The following TMEM106C variants were observed in gnomAD, a reference collection of about 807,000 sequenced individuals.
The protein encoded by TMEM106C is transmembrane protein 106C, also known as endoplasmic reticulum membrane protein overexpressed in cancer.
TMEM106C carries 27 observed loss-of-function variants against 30.8 expected under a neutral mutation model. The observed-to-expected ratio is 0.88, with a 90% CI of 0.65 to 1.21. The LOEUF (loss-of-function observed/expected upper bound fraction) is 1.21, where lower values mean the gene tolerates loss of function less well. Among genes scored for constraint, TMEM106C ranks in the 50% most tolerant of loss-of-function variants. The pLI is 0.00. For missense variants in TMEM106C, 288 were observed against 307.8 expected, an observed-to-expected ratio of 0.94 and a Z score of 0.48; for synonymous variants, 123 against 118.8, an observed-to-expected ratio of 1.04 and a Z score of -0.23.
chr12:47,966,223 G>T lies in TMEM106C; in HGVS notation c.546G>T (p.Glu182Asp), dbSNP rs1938219943. The change falls in exon 5 of 8, where the codon GAG becomes GAT. Residue 182 changes from glutamate to aspartate, a missense_variant. Physicochemically the swap from Glu to Asp is conservative, Grantham distance 45. Transcript: ENST00000429772. ...TCTCCCTTATTCCACCTCGGAGTGA[G>T]CAACTGGTATGCTGTTCTTTTAGGA... ...TNVSLIPPRS[E>D]QLVNFTGKAE... 1 of 1,613,868 alleles carries T rather than the reference G, an allele frequency of 6.2e-7. No homozygotes were observed. Among genetic ancestry groups the T allele is most frequent in the Non-Finnish European group, 8.5e-7 (1 of 1,180,018 alleles).
intron 7 of TMEM106C, 39 bp downstream of exon 7, chr12:47,967,300 AT>A (rs1938270221): frequency 8.1e-6 from 13 of 1,611,216 alleles, no homozygotes; most frequent in Non-Finnish European, 1.1e-5. Flanking sequence ...CTGTCCGGCC[AT>A]GTGAGCCTAC....
Position 47,967,214 on chromosome 12 carries a change from C to T in TMEM106C, c.609C>T (p.Phe203=). 6.2e-7 allele frequency: 1 copy of T among 1,614,010 alleles called. No individual in the cohort carries two copies. Among genetic ancestry groups the T allele is most frequent in the African/African-American group, 1.3e-5 (1 of 75,016 alleles). The part of the protein sequence containing the change: ...MGGPFSYVYF[F]CTVPEILVHN... ...CATATTTGCTGTTTGGTAGCTTCTT[C>T]TGCACGGTACCTGAGATCCTGGTGC... The change falls in exon 7 of 8, where the codon TTC becomes TTT. Residue 203 remains phenylalanine, a synonymous_variant. Coordinates refer to ENST00000429772, the MANE Select transcript of TMEM106C (RefSeq NM_001143842.2).
chr12:47,963,987 C>T, intron 1 of TMEM106C: 1 of 535,336 alleles, frequency 1.9e-6, no homozygotes, highest in South Asian at 2.0e-5. Flanking sequence ...AAAGGCAGGC[C>T]CCGTTCCCCC....
At position 47,964,438 on chromosome 12, in the gene TMEM106C, A is replaced by G. The variant is rs2136478582; in HGVS notation, c.187+15A>G. Reference sequence around the variant, plus strand: ...CATTCCAACAGGTGATCATGGAGGGATGATTCCCTGATGAGAATCCCAAGG... The same window carrying G: ...CATTCCAACAGGTGATCATGGAGGGGTGATTCCCTGATGAGAATCCCAAGG... On this transcript the variant is annotated intron_variant, in intron 2 of 7. Coordinates refer to ENST00000429772, the MANE Select transcript of TMEM106C (RefSeq NM_001143842.2). 1 of 1,613,176 alleles carries G rather than the reference A, an allele frequency of 6.2e-7. No homozygotes were observed. Among genetic ancestry groups the G allele is most frequent in the Non-Finnish European group, 8.5e-7 (1 of 1,179,566 alleles).
chr12:47,968,596 A>C lies in TMEM106C; in HGVS notation c.*367A>C, dbSNP rs1938328298. ...GGAGCTAGGATTGTGAGTGACCTGCAGGCCATTATCAGTGCCTCATCTGTG... is the reference window on the plus strand; with the variant it reads ...GGAGCTAGGATTGTGAGTGACCTGCCGGCCATTATCAGTGCCTCATCTGTG... On this transcript the variant is annotated 3_prime_UTR_variant, in exon 8 of 8. Transcript: ENST00000429772. 2.8e-6 allele frequency: 1 copy of C among 357,702 alleles called. No homozygotes were observed. The highest frequency in any genetic ancestry group is 2.1e-5 in the African/African-American group (1 of 46,874). The allele number at this position is 357,702 out of a possible 1,614,324, so 22.2% of individuals were successfully genotyped here.
intron 2 of TMEM106C, 81 bp from the exon 3 acceptor site, chr12:47,965,201 T>G (rs1480570169): frequency 2.7e-6 from 3 of 1,111,700 alleles, no homozygotes; most frequent in Non-Finnish European, 4.0e-6. Flanking sequence ...AGAATATTTG[T>G]TGTGGCAGGC....
At position 47,968,598 on chromosome 12, in the gene TMEM106C, G is replaced by GCCATT. The variant is rs61341624; in HGVS notation, c.*370_*374dup. 1.1e-3 allele frequency: 392 copies of GCCATT among 355,722 alleles called. No individual in the cohort carries two copies. Among genetic ancestry groups the GCCATT allele is most frequent in the African/African-American group, 7.6e-3 (359 of 46,936 alleles). 22.0% of individuals were successfully genotyped at this position (355,722 alleles called of 1,614,324 possible). ...AGCTAGGATTGTGAGTGACCTGCAG[G>GCCATT]CCATTATCAGTGCCTCATCTGTGCA... On this transcript the variant is annotated 3_prime_UTR_variant, in exon 8 of 8. Transcript: ENST00000429772.
In TMEM106C at chr12:47,964,323, A is replaced by G. The variant is rs1247427445; in HGVS notation, c.87A>G (p.Arg29=). 6.2e-7 allele frequency: 1 copy of G among 1,614,174 alleles called. No individual in the cohort carries two copies. Among genetic ancestry groups the G allele is most frequent in the South Asian group, 1.1e-5 (1 of 91,078 alleles). Reference sequence around the variant, plus strand: ...ACAGGGACGGTTTGCTGGCTGAACGAGAGCAGGAAGAAGCCATTGCTCAGT... The same window carrying G: ...ACAGGGACGGTTTGCTGGCTGAACGGGAGCAGGAAGAAGCCATTGCTCAGT... The part of the protein sequence containing the change: ...EDDRDGLLAE[R]EQEEAIAQFP... Residue 29 remains arginine, a synonymous_variant, in exon 2 of 8, where the codon CGA becomes CGG. Coordinates refer to ENST00000429772, the MANE Select transcript of TMEM106C (RefSeq NM_001143842.2).
chr12:47,968,010 A>T, intron 7 of TMEM106C, 123 bp from the exon 8 acceptor site: 1 of 657,792 alleles, frequency 1.5e-6, no homozygotes, highest in Non-Finnish European at 2.7e-6. Context: ...CATAACCATG[A>T]GGATATGTGC....
intron 2 of TMEM106C, 28 bp downstream of exon 2, chr12:47,964,451 G>GAGA (rs890216413): frequency 1.2e-6 from 2 of 1,609,902 alleles, no homozygotes; most frequent in African/African-American, 2.7e-5. Flanking sequence ...ATTCCCTGAT[G>GAGA]AGAATCCCAA....
In TMEM106C at chr12:47,965,344, A is replaced by G. The variant is rs1257927294; in HGVS notation, c.250A>G (p.Thr84Ala). The G allele has an allele frequency of 5.0e-6, 8 of 1,613,844 alleles. No individual in the cohort carries two copies. Among genetic ancestry groups the G allele is most frequent in the Non-Finnish European group, 6.8e-6 (8 of 1,179,868 alleles). ...HSDQRLRPQRTKQYVLLSILL... is the reference protein window; with the variant it reads ...HSDQRLRPQRAKQYVLLSILL... ...TGATCAGAGATTGCGCCCTCAGCGA[A>G]CGTGAGTTACCTGCTTCTCACCTGT... is the stretch of plus-strand genomic sequence containing the variant. Residue 84 changes from threonine (T) to alanine (A), a missense_variant and splice_region_variant, in exon 3 of 8, where the codon ACT (threonine) becomes GCT (alanine). By Grantham distance (58) the Thr-to-Ala change is moderately conservative. Coordinates refer to ENST00000429772, the MANE Select transcript of TMEM106C (RefSeq NM_001143842.2).
In TMEM106C at chr12:47,967,397, C is replaced by T. The variant is rs1020710669; in HGVS notation, c.656+136C>T. ...ACCCTGTGCCTCACAGGCACAGATA[C>T]AGTAGACCCTTGGTGTTCTCTAAAC... On this transcript the variant is annotated intron_variant, in intron 7 of 7. Coordinates refer to ENST00000429772, the MANE Select transcript of TMEM106C (RefSeq NM_001143842.2). 4.9e-6 allele frequency: 4 copies of T among 813,128 alleles called. No individual in the cohort carries two copies. The African/African-American group carries it at 6.8e-5, about 14-fold the overall frequency. The allele number at this position is 813,128 out of a possible 1,614,324, so 50.4% of individuals were successfully genotyped here. A position where few individuals can be genotyped will look rare whatever the true frequency, so the allele number is the denominator to read the frequency against.
At chr12:47,966,411 T>G (rs752249832) in intron 5 of TMEM106C, 182 bp downstream of exon 5, 33 of 758,212 alleles carry the variant, frequency 4.4e-5, no homozygotes, top group Middle Eastern at 2.8e-4. Context: ...CAGCTATCAT[T>G]TAAGCATTTG....
intron 5 of TMEM106C, chr12:47,966,440 A>G: frequency 1.4e-6 from 1 of 702,246 alleles, no homozygotes. Context: ...AATAATTTGT[A>G]AGAGACAAAG....
In TMEM106C at chr12:47,965,893, G is replaced by C. The variant is rs35000511; in HGVS notation, c.307G>C (p.Val103Leu). Residue 103 changes from valine (V) to leucine (L), a missense_variant, in exon 4 of 8, where the codon GTT becomes CTT. Physicochemically the swap from Val to Leu is conservative, Grantham distance 32. Transcript: ENST00000429772. ...TTGTCTCCTGGCATCTGGTTTGGTG[G>C]TTTTCTTCCTGTTTCCGCATTCAGT... is the stretch of plus-strand genomic sequence containing the variant. ...LLCLLASGLV[V>L]FFLFPHSVLV... The C allele has an allele frequency of 8.1e-6, 13 of 1,614,074 alleles. 1 individual carries two copies. Among genetic ancestry groups the C allele is most frequent in the Middle Eastern group, 1.6e-4 (1 of 6,084 alleles).
intron 4 of TMEM106C, 29 bp from the exon 5 acceptor site, chr12:47,966,059 AC>A: frequency 1.2e-6 from 2 of 1,613,814 alleles, no homozygotes; most frequent in Non-Finnish European, 1.7e-6. Flanking sequence ...CAGGACACTT[AC>A]ACTTGTTTCC....
chr12:47,968,443 G>A lies in TMEM106C; in HGVS notation c.*214G>A. ...AACCAGCAGAATCAGTGCCTAGCCTGTGCCCAGCAAATAGTTGGCACTCAA... is the reference window on the plus strand; with the variant it reads ...AACCAGCAGAATCAGTGCCTAGCCTATGCCCAGCAAATAGTTGGCACTCAA... On this transcript the variant is annotated 3_prime_UTR_variant, in exon 8 of 8. Transcript: ENST00000429772. The A allele has an allele frequency of 1.6e-6, 1 of 643,572 alleles. No homozygotes were observed. The allele number at this position is 643,572 out of a possible 1,614,324, so 39.9% of individuals were successfully genotyped here. A position where few individuals can be genotyped will look rare whatever the true frequency, so the allele number is the denominator to read the frequency against.
intron 3 of TMEM106C, chr12:47,965,606 G>A (rs12721421): frequency 0.026 from 17,715 of 682,554 alleles, 310 homozygotes; most frequent in Non-Finnish European, 0.034. Context: ...GTGTGGGACT[G>A]TCTCTGTCCA....
chr12:47,966,695 G>A lies in TMEM106C; in HGVS notation c.565G>A (p.Gly189Arg), dbSNP rs142283364. 5.6e-6 allele frequency: 9 copies of A among 1,614,016 alleles called. No individual in the cohort carries two copies. Among genetic ancestry groups the A allele is most frequent in the East Asian group, 2.2e-5 (1 of 44,886 alleles). ...ATCTTATTTTCAGGTGAATTTTACC[G>A]GGAAGGCCGAGATGGGAGGACCGTT... The part of the protein sequence containing the change: ...PRSEQLVNFT[G>R]KAEMGGPFSY... Residue 189 changes from glycine to arginine, a missense_variant, in exon 6 of 8, where the codon GGG becomes AGG. Transcript: ENST00000429772.
Sources: gnomAD v4.1 joint callset for allele counts on GRCh38, gnomAD v4.1.1 for gene constraint, MANE v1.5 for transcripts, NCBI Gene and HGNC (gene_info 2026-07-23, HGNC 2026-07-21) for gene names.